Variants in NSRP1 observed in about 807,000 individuals in gnomAD.
NSRP1 encodes nuclear speckle splicing regulatory protein 1.
In NSRP1, 24 loss-of-function variants were observed where a neutral mutation model predicts 54.7. That is an observed-to-expected ratio of 0.44 (90% CI 0.32 to 0.62). The LOEUF is 0.62. Ranked by LOEUF, NSRP1 falls within the 20% of genes least tolerant of loss-of-function variation. The pLI is 0.06. For missense variants in NSRP1, 596 were observed against 651.2 expected (o/e 0.92, Z 0.92); for synonymous variants, 210 against 213.8 (o/e 0.98, Z 0.15).
chr17:30,165,648 A>T (rs905455008), intron 2 of NSRP1, among the ~76,000 whole-genome samples: 1 of 152,170 alleles, frequency 6.6e-6, no homozygotes, highest in Non-Finnish European at 1.5e-5. Context: ...TTTTGGGGGC[A>T]GTGTATTTTT....
chr17:30,149,277 T>G (rs1273608873), intron 2 of NSRP1, among the ~76,000 whole-genome samples: 1 of 152,218 alleles, frequency 6.6e-6, no homozygotes, highest in Non-Finnish European at 1.5e-5. Flanking sequence ...CTTGAACTCT[T>G]GGTCTCGAGT....
intron 2 of NSRP1, among the ~76,000 whole-genome samples, chr17:30,159,951 C>T (rs961718250): frequency 9.9e-5 from 15 of 152,142 alleles, no homozygotes; most frequent in African/African-American, 2.7e-4. Context: ...TGTAAGCCAT[C>T]GTGCCCGGCC....
rs1452543134 is a variant in NSRP1 at position 30,185,437 on chromosome 17, G to C, written c.1440G>C (p.Lys480Asn). 6.2e-7 allele frequency: 1 copy of C among 1,608,838 alleles called. No homozygotes were observed. The highest frequency in any genetic ancestry group is 8.5e-7 in the Non-Finnish European group (1 of 1,178,804). ...ERSNKMRNMAKDKERNQEKPS... is the reference protein window; with the variant it reads ...ERSNKMRNMANDKERNQEKPS... ...CCAACAAAATGAGAAACATGGCAAA[G>C]GACAAAGAAAGAAACCAAGAGAAAC... is the stretch of plus-strand genomic sequence containing the variant. Residue 480 changes from lysine to asparagine, a missense_variant, in exon 7 of 7, where the codon AAG becomes AAC. By Grantham distance (94) the Lys-to-Asn change is moderately conservative. Coordinates refer to ENST00000247026, the MANE Select transcript of NSRP1 (RefSeq NM_032141.4).
intron 2 of NSRP1, among the ~76,000 whole-genome samples, chr17:30,133,008 T>G (rs1289717576): frequency 3.3e-5 from 5 of 152,148 alleles, no homozygotes; most frequent in African/African-American, 1.2e-4. Flanking sequence ...GGTGCGATCT[T>G]GGTTCACTGC....
intron 3 of NSRP1, among the ~76,000 whole-genome samples, chr17:30,175,332 C>T (rs1875291578): frequency 2.0e-5 from 3 of 152,066 alleles, no homozygotes; most frequent in African/African-American, 7.2e-5. Flanking sequence ...CTGAACATAA[C>T]GGAGGTTTTT....
At chr17:30,158,528 C>T (rs1158737688) in intron 2 of NSRP1, among the ~76,000 whole-genome samples, 1 of 151,998 alleles carries the variant, frequency 6.6e-6, no homozygotes, top group Non-Finnish European at 1.5e-5. Flanking sequence ...TGGCCATAAA[C>T]TCTTTGCCTC....
Position 30,180,964 on chromosome 17 carries a change from A to ATAG in NSRP1, c.565_566insTAG (p.Asn189delinsIleAsp). The ATAG allele has an allele frequency of 6.2e-7, 1 of 1,613,894 alleles. No individual in the cohort carries two copies. Among genetic ancestry groups the ATAG allele is most frequent in the South Asian group, 1.1e-5 (1 of 91,074 alleles). On this transcript the variant is annotated protein_altering_variant, in exon 6 of 7. Transcript: ENST00000247026. ...CAGTGGATTTTATAGGCACCTATTA[A>ATAG]ATCAAGCAGTTGGTGAAGAGGAAGT...
chr17:30,185,568 C>G lies in NSRP1; in HGVS notation c.1571C>G (p.Ala524Gly). The change falls in exon 7 of 7, where the codon GCA becomes GGA. Residue 524 changes from alanine to glycine, a missense_variant. By Grantham distance (60) the Ala-to-Gly change is moderately conservative (BLOSUM62 0). Coordinates refer to ENST00000247026, the MANE Select transcript of NSRP1 (RefSeq NM_032141.4). ...CCACCTGAGGCAGTGAGCAAGTTTG[C>G]AAAGCGGAACAATGAAGAAACTGTA... ...ERPPEAVSKF[A>G]KRNNEETVMS... The G allele has an allele frequency of 6.2e-7, 1 of 1,614,048 alleles. No individual in the cohort carries two copies. Among genetic ancestry groups the G allele is most frequent in the Non-Finnish European group, 8.5e-7 (1 of 1,180,002 alleles).
Position 30,185,395 on chromosome 17 carries a change from T to C in NSRP1, c.1398T>C (p.Phe466=), listed in dbSNP as rs1905492831. 2 of 1,611,752 alleles carry C rather than the reference T, an allele frequency of 1.2e-6. No individual in the cohort carries two copies. Among genetic ancestry groups the C allele is most frequent in the Non-Finnish European group, 1.7e-6 (2 of 1,179,546 alleles). Residue 466 remains phenylalanine, a synonymous_variant, in exon 7 of 7, where the codon TTT becomes TTC. Transcript: ENST00000247026. ...CAAATTCTAGGGCAAAGGATAAATT[T>C]CTTGACCAAGAAAGATCCAACAAAA... The part of the protein sequence containing the change: ...SSPNSRAKDK[F]LDQERSNKMR...
chr17:30,161,679 A>G (rs1284570643), intron 2 of NSRP1, among the ~76,000 whole-genome samples: 1 of 152,214 alleles, frequency 6.6e-6, no homozygotes, highest in Non-Finnish European at 1.5e-5. Flanking sequence ...AACTGTTGAA[A>G]TAAGACTTGT....
intron 4 of NSRP1, among the ~76,000 whole-genome samples, chr17:30,178,652 A>G (rs1172524598): frequency 6.6e-6 from 1 of 151,956 alleles, no homozygotes; most frequent in Non-Finnish European, 1.5e-5. Flanking sequence ...CTTTCTATCA[A>G]CTCTTGTTCT....
chr17:30,185,851 G>A lies in NSRP1; in HGVS notation c.*177G>A. The A allele has an allele frequency of 3.3e-6, 2 of 602,108 alleles. No individual in the cohort carries two copies. Among genetic ancestry groups the A allele is most frequent in the Non-Finnish European group, 5.5e-6 (2 of 366,728 alleles). The allele number at this position is 602,108 out of a possible 1,614,324, so 37.3% of individuals were successfully genotyped here. On this transcript the variant is annotated 3_prime_UTR_variant, in exon 7 of 7. Transcript: ENST00000247026. ...CTTGGATGTTTGGATGTGGATGTTT[G>A]GCTGAATTTATATATAGTGTGTACT...
At chr17:30,140,760 C>G (rs1411755846) in intron 2 of NSRP1, among the ~76,000 whole-genome samples, 2 of 152,060 alleles carry the variant, frequency 1.3e-5, no homozygotes, top group East Asian at 3.9e-4. Flanking sequence ...GAACTCCTGA[C>G]CTCGTGATCC....
Position 30,146,332 on chromosome 17 carries a change from A to G in NSRP1, c.115-26210A>G, listed in dbSNP as rs537623760. 2.0e-5 allele frequency among the ~76,000 whole-genome samples: 3 copies of G among 152,330 alleles called. No homozygotes were observed. In the South Asian group the frequency reaches 6.2e-4, roughly 32 times the overall value. ...TTTGTATTAGAACTGCCTTGGATTT[A>G]TAAGTTATATTAGTCTTTAAGGAAC... On this transcript the variant is annotated intron_variant, in intron 2 of 6. Transcript: ENST00000247026.
chr17:30,124,832 A>G (rs548090542), intron 2 of NSRP1, among the ~76,000 whole-genome samples: 1 of 152,354 alleles, frequency 6.6e-6, no homozygotes, highest in Admixed American at 6.5e-5. Flanking sequence ...TTCCTTACCT[A>G]TAAAAAAATC....
At chr17:30,137,905 AGCATTAAAT>A (rs1354555584) in intron 2 of NSRP1, among the ~76,000 whole-genome samples, 2 of 152,212 alleles carry the variant, frequency 1.3e-5, no homozygotes, top group Non-Finnish European at 2.9e-5. Flanking sequence ...GTAGTTCAGT[AGCATTAAAT>A]GCATTTACAC....
At chr17:30,175,423 T>C (rs932991561) in intron 3 of NSRP1, among the ~76,000 whole-genome samples, 6 of 152,154 alleles carry the variant, frequency 3.9e-5, no homozygotes, top group African/African-American at 1.4e-4. Flanking sequence ...TTGTTTTGTT[T>C]TGTTTTGTTT....
intron 2 of NSRP1, among the ~76,000 whole-genome samples, chr17:30,119,451 T>C (rs1302567636): frequency 6.6e-6 from 1 of 152,094 alleles, no homozygotes; most frequent in African/African-American, 2.4e-5. Flanking sequence ...CCTCAGGTGA[T>C]CCACTTGCCT....
chr17:30,171,220 T>C (rs1377103257), intron 2 of NSRP1, among the ~76,000 whole-genome samples: 3 of 152,130 alleles, frequency 2.0e-5, no homozygotes, highest in African/African-American at 7.2e-5. Context: ...CATATACATT[T>C]AGTTGCCTTC....
Sources: allele counts gnomAD v4.1 joint callset (sites outside exome capture counted in the v4.1 genomes callset), GRCh38; gene constraint gnomAD v4.1.1; transcripts MANE v1.5; gene names NCBI Gene and HGNC (gene_info 2026-07-23, HGNC 2026-07-21).